Variants in CLSTN2 observed in about 807,000 individuals in gnomAD.
CLSTN2 encodes the protein calsyntenin-2.
A neutral mutation model predicts 101.2 loss-of-function variants in CLSTN2; 48 were observed. The ratio of observed to expected loss-of-function variants is 0.47; its 90% confidence interval spans 0.38 to 0.60. CLSTN2 has a LOEUF of 0.60. Ranked by LOEUF, CLSTN2 falls within the 20% of genes least tolerant of loss-of-function variation. The pLI is 0.00. For synonymous variants in CLSTN2, 481 were observed against 463.6 expected, an observed-to-expected ratio of 1.04 and a Z score of -0.48; for missense variants, 1,160 against 1,238.2, an observed-to-expected ratio of 0.94 and a Z score of 0.95.
At chr3:140,134,336 G>A (rs922914986) in intron 1 of CLSTN2, among the ~76,000 whole-genome samples, 2 of 152,112 alleles carry the variant, frequency 1.3e-5, no homozygotes, top group Non-Finnish European at 2.9e-5. Context: ...TCTGCTGCCA[G>A]AGTCTGTCTA....
intron 5 of CLSTN2, among the ~76,000 whole-genome samples, chr3:140,447,386 C>T (rs1417261656): frequency 4.6e-5 from 7 of 152,216 alleles, no homozygotes; most frequent in Non-Finnish European, 8.8e-5. Flanking sequence ...GGGAGGCAAA[C>T]ACATGTCGTC....
At chr3:140,188,139 T>C (rs1050666233) in intron 2 of CLSTN2, among the ~76,000 whole-genome samples, 2 of 152,206 alleles carry the variant, frequency 1.3e-5, no homozygotes, top group African/African-American at 4.8e-5. Flanking sequence ...ACTGAGTAGG[T>C]GCTCAAAGTT....
chr3:140,054,024 G>A (rs949850315), intron 1 of CLSTN2, among the ~76,000 whole-genome samples: 1 of 152,174 alleles, frequency 6.6e-6, no homozygotes, highest in Non-Finnish European at 1.5e-5. Flanking sequence ...CTACCATCTG[G>A]CTGGGAAATC....
intron 1 of CLSTN2, among the ~76,000 whole-genome samples, chr3:140,128,524 A>T (rs1453031121): frequency 6.6e-6 from 1 of 152,196 alleles, no homozygotes; most frequent in East Asian, 1.9e-4. Flanking sequence ...CTGGGGCTAG[A>T]CATAGTGGAA....
intron 8 of CLSTN2, among the ~76,000 whole-genome samples, chr3:140,503,862 A>G (rs567368559): frequency 6.6e-6 from 1 of 152,320 alleles, no homozygotes; most frequent in East Asian, 1.9e-4. Context: ...AGTATGTGGC[A>G]TAGTGGTGGG....
In CLSTN2 at chr3:140,234,209, G is replaced by A. The variant is rs927319479; in HGVS notation, c.232+58136G>A. 3.3e-5 allele frequency among the ~76,000 whole-genome samples: 5 copies of A among 152,122 alleles called. No individual in the cohort carries two copies. The South Asian group carries it at 8.3e-4, about 25-fold the overall frequency. ...TTTCTAATACCTTTTCTTTGATAAA[G>A]CTTTATGTTTTTGTAAGTACTTTCA... is the stretch of plus-strand genomic sequence containing the variant. On this transcript the variant is annotated intron_variant, in intron 2 of 16. Transcript: ENST00000458420.
intron 1 of CLSTN2, among the ~76,000 whole-genome samples, chr3:140,100,287 T>C (rs777942572): frequency 6.6e-6 from 1 of 152,170 alleles, no homozygotes; most frequent in Non-Finnish European, 1.5e-5. Context: ...CATTTTTCTA[T>C]TATTTCCCTC....
At chr3:139,976,383 CTG>C (rs537538531) in intron 1 of CLSTN2, among the ~76,000 whole-genome samples, 1 of 152,236 alleles carries the variant, frequency 6.6e-6, no homozygotes, top group Non-Finnish European at 1.5e-5. Flanking sequence ...GAAGCAGCAT[CTG>C]TGTGCAAGGC....
At chr3:140,562,722 G>A in intron 13 of CLSTN2, 89 bp from the exon 14 acceptor site, 2 of 1,405,364 alleles carry the variant, frequency 1.4e-6, no homozygotes, top group African/African-American at 1.4e-5. Context: ...GACCCATGAG[G>A]TCTTGTACCA....
chr3:140,010,731 G>A (rs1404930545), intron 1 of CLSTN2, among the ~76,000 whole-genome samples: 2 of 152,206 alleles, frequency 1.3e-5, no homozygotes, highest in Non-Finnish European at 2.9e-5. Flanking sequence ...ACTGTTGTGA[G>A]GTCTTCAGCA....
rs760546751 is a variant in CLSTN2 at position 140,562,778 on chromosome 3, C to A, written c.2213-33C>A. ...CTCTTCTCTTCCTCCTCCTTTTCTG[C>A]CTTCTGATGACAGGTGTGGTCTCTT... On this transcript the variant is annotated intron_variant, in intron 13 of 16. Coordinates refer to ENST00000458420, the MANE Select transcript of CLSTN2 (RefSeq NM_022131.3). 4 of 1,608,706 alleles carry A rather than the reference C, an allele frequency of 2.5e-6. No individual in the cohort carries two copies. In the Admixed American group the frequency reaches 6.7e-5, roughly 27 times the overall value.
chr3:140,407,305 T>C (rs1035295859), intron 4 of CLSTN2, among the ~76,000 whole-genome samples: 3 of 152,198 alleles, frequency 2.0e-5, no homozygotes, highest in African/African-American at 7.2e-5. Context: ...TGGCTTCAGA[T>C]GGATGTCTCC....
chr3:140,264,282 T>C (rs371219548), intron 2 of CLSTN2, among the ~76,000 whole-genome samples: 1 of 151,326 alleles, frequency 6.6e-6, no homozygotes, highest in Admixed American at 6.6e-5. Flanking sequence ...AAGAAGGCTG[T>C]GATTTGCCTT....
At chr3:140,169,388 G>T (rs919599588) in intron 1 of CLSTN2, among the ~76,000 whole-genome samples, 4 of 151,916 alleles carry the variant, frequency 2.6e-5, no homozygotes, top group Non-Finnish European at 5.9e-5. Context: ...TTATTCCATA[G>T]AATTTTTGCA....
intron 1 of CLSTN2, among the ~76,000 whole-genome samples, chr3:140,040,061 G>A (rs529854019): frequency 6.6e-6 from 1 of 152,218 alleles, no homozygotes; most frequent in South Asian, 2.1e-4. Context: ...ATTTTACTAG[G>A]TGAGTTTACA....
At chr3:140,229,569 G>A (rs1284202747) in intron 2 of CLSTN2, among the ~76,000 whole-genome samples, 1 of 151,588 alleles carries the variant, frequency 6.6e-6, no homozygotes, top group Non-Finnish European at 1.5e-5. Flanking sequence ...AGCACGAACT[G>A]AACTGATGCT....
chr3:140,250,303 C>G (rs2086552214), intron 2 of CLSTN2, among the ~76,000 whole-genome samples: 1 of 152,164 alleles, frequency 6.6e-6, no homozygotes, highest in Non-Finnish European at 1.5e-5. Flanking sequence ...GGATATGGTC[C>G]TGTCTTTGGG....
chr3:140,462,525 T>A (rs1183018185), intron 7 of CLSTN2, among the ~76,000 whole-genome samples: 2 of 152,208 alleles, frequency 1.3e-5, no homozygotes, highest in Non-Finnish European at 2.9e-5. Flanking sequence ...TTCATGAAGA[T>A]TGCACTAAGT....
At chr3:140,042,044 C>T (rs1195234930) in intron 1 of CLSTN2, among the ~76,000 whole-genome samples, 3 of 152,166 alleles carry the variant, frequency 2.0e-5, no homozygotes, top group African/African-American at 7.2e-5. Flanking sequence ...TACAATTCAC[C>T]TATTTAAAGA....
Sources: allele counts gnomAD v4.1 joint callset (sites outside exome capture counted in the v4.1 genomes callset), GRCh38; gene constraint gnomAD v4.1.1; transcripts MANE v1.5; gene names NCBI Gene and HGNC (gene_info 2026-07-23, HGNC 2026-07-21).